Variants in RBFOX1 observed in about 807,000 individuals in gnomAD.
RBFOX1 encodes RNA binding fox-1 homolog 1, also known as RNA binding protein fox-1 homolog 1.
In RBFOX1, 8 loss-of-function variants were observed where a neutral mutation model predicts 57.7. The observed-to-expected ratio is 0.14, with a 90% confidence interval of 0.08 to 0.25. The LOEUF (loss-of-function observed/expected upper bound fraction) is 0.25, where lower values mean the gene tolerates loss of function less well. Ranked by LOEUF, RBFOX1 falls within the 10% of genes least tolerant of loss-of-function variation. The pLI is 1.00. For missense variants in RBFOX1, 611 were observed against 548.5 expected, an observed-to-expected ratio of 1.11 and a Z score of -1.14; for synonymous variants, 326 against 222.4, an observed-to-expected ratio of 1.47 and a Z score of -4.15.
chr16:5,615,183 TGCTCCCACATCTG>T (rs1410789940), intron 3 of RBFOX1, among the ~76,000 whole-genome samples: 2 of 152,186 alleles, frequency 1.3e-5, no homozygotes, highest in Non-Finnish European at 2.9e-5. Flanking sequence ...TACAGGTGCA[TGCTCCCACATCTG>T]GCTATCTTCA....
intron 5 of RBFOX1, among the ~76,000 whole-genome samples, chr16:7,547,561 T>G (rs2084940134): frequency 6.6e-6 from 1 of 152,222 alleles, no homozygotes. Flanking sequence ...CAAATAATCC[T>G]TTCCATATTT....
chr16:5,909,090 C>CTTTTT (rs3041577), intron 4 of RBFOX1, among the ~76,000 whole-genome samples: 25,923 of 114,804 alleles, frequency 0.23, 3,376 homozygotes, highest in East Asian at 0.4. Flanking sequence ...CTAAGCCCCC[C>CTTTTT]TTTTTTTTTT....
intron 3 of RBFOX1, among the ~76,000 whole-genome samples, chr16:5,791,558 C>T (rs138190748): frequency 5.3e-5 from 8 of 152,204 alleles, no homozygotes; most frequent in Admixed American, 3.9e-4. Context: ...ACACAAAAGT[C>T]TGTGTGGGTG....
intron 14 of RBFOX1, among the ~76,000 whole-genome samples, chr16:7,689,942 A>T (rs995117739): frequency 6.6e-6 from 1 of 152,054 alleles, no homozygotes; most frequent in Non-Finnish European, 1.5e-5. Context: ...GCATAGTCTA[A>T]AACCTAAGTA....
chr16:6,029,068 A>C (rs2095248698), intron 1 of RBFOX1, among the ~76,000 whole-genome samples: 1 of 152,126 alleles, frequency 6.6e-6, no homozygotes, highest in Admixed American at 6.5e-5. Flanking sequence ...AATCACACAG[A>C]CTTCCGAGCT....
At chr16:5,501,462 A>AGTG (rs986027783) in intron 2 of RBFOX1, among the ~76,000 whole-genome samples, 1 of 151,736 alleles carries the variant, frequency 6.6e-6, no homozygotes, top group African/African-American at 2.4e-5. Flanking sequence ...GTTGGTGAGG[A>AGTG]GTGGTGGGGA....
intron 4 of RBFOX1, among the ~76,000 whole-genome samples, chr16:7,226,718 G>A (rs981347053): frequency 1.3e-5 from 2 of 152,162 alleles, no homozygotes; most frequent in African/African-American, 2.4e-5. Context: ...TCAGAGATAC[G>A]TCTAAAGTCA....
chr16:5,860,889 T>C (rs867520709), intron 3 of RBFOX1, among the ~76,000 whole-genome samples: 80 of 152,304 alleles, frequency 5.3e-4, no homozygotes, highest in African/African-American at 1.9e-3. Flanking sequence ...TCTGGGCTTA[T>C]TTGTGCAGGT....
chr16:5,679,142 G>C (rs1175296650), intron 3 of RBFOX1, among the ~76,000 whole-genome samples: 1 of 152,168 alleles, frequency 6.6e-6, no homozygotes, highest in African/African-American at 2.4e-5. Context: ...GAGAAACCAG[G>C]CAGAGTACCC....
intron 1 of RBFOX1, among the ~76,000 whole-genome samples, chr16:5,391,349 T>C (rs1309432704): frequency 6.6e-6 from 1 of 152,136 alleles, no homozygotes; most frequent in African/African-American, 2.4e-5. Flanking sequence ...GAGAATCCAT[T>C]TCCTTCCATT....
chr16:6,307,047 C>G (rs1358545256), intron 1 of RBFOX1, among the ~76,000 whole-genome samples: 1 of 152,204 alleles, frequency 6.6e-6, no homozygotes, highest in Admixed American at 6.5e-5. Flanking sequence ...GCAGACTAAA[C>G]ATTACATCAG....
chr16:7,109,643 A>T (rs2064280088), intron 4 of RBFOX1, among the ~76,000 whole-genome samples: 1 of 152,168 alleles, frequency 6.6e-6, no homozygotes, highest in Non-Finnish European at 1.5e-5. Flanking sequence ...GAGTAGAGAC[A>T]TCCATATAGG....
At chr16:7,527,234 A>G (rs1201826768) in intron 5 of RBFOX1, among the ~76,000 whole-genome samples, 4 of 152,300 alleles carry the variant, frequency 2.6e-5, no homozygotes, top group African/African-American at 7.2e-5. Context: ...GAGCCTGAGC[A>G]CTATGCTTCT....
intron 3 of RBFOX1, among the ~76,000 whole-genome samples, chr16:6,895,438 G>A (rs370633384): frequency 0.17 from 14,574 of 87,672 alleles, 1,379 homozygotes; most frequent in Admixed American, 0.28. Flanking sequence ...GTGTGTGTGT[G>A]TGTGTGTGTG....
intron 2 of RBFOX1, chr16:6,483,759 T>A: frequency 2.8e-6 from 4 of 1,418,778 alleles, no homozygotes; most frequent in Middle Eastern, 2.6e-4. Flanking sequence ...GGAGCAGCCG[T>A]CAGCCGCTGT....
chr16:7,080,064 TATATAC>T lies in RBFOX1; in HGVS notation c.27+27972_27+27977del, dbSNP rs1276788956. On this transcript the variant is annotated intron_variant, in intron 4 of 15. Coordinates refer to ENST00000550418, the MANE Select transcript of RBFOX1 (RefSeq NM_018723.4). ...GATGTATATATATATACATATTATA[TATATAC>T]ATATATACATATGTATATATGTATA... Among the ~76,000 whole-genome samples the T allele has an allele frequency of 3.0e-3, 414 of 139,588 alleles. 2 individuals carry two copies. The highest frequency in any genetic ancestry group is 0.011 in the African/African-American group (398 of 35,828). 91.6% of individuals were successfully genotyped at this position (139,588 alleles called of 152,430 possible).
chr16:5,598,704 C>A (rs551653262), intron 2 of RBFOX1, among the ~76,000 whole-genome samples: 1 of 152,260 alleles, frequency 6.6e-6, no homozygotes, highest in Non-Finnish European at 1.5e-5. Context: ...GGCTTTGTAG[C>A]CATATCGGGC....
intron 1 of RBFOX1, among the ~76,000 whole-genome samples, chr16:6,161,756 G>A (rs1018560721): frequency 3.9e-5 from 6 of 152,154 alleles, no homozygotes; most frequent in African/African-American, 1.4e-4. Context: ...TGAGCTTCTG[G>A]TTTCTGTCTT....
chr16:7,118,292 A>G (rs926435475), intron 4 of RBFOX1, among the ~76,000 whole-genome samples: 6 of 152,120 alleles, frequency 3.9e-5, no homozygotes, highest in Admixed American at 2.0e-4. Context: ...CTGGCTGGGT[A>G]AGGTGGTAGC....
Sources: gnomAD v4.1 joint callset for allele counts (sites outside exome capture counted in the v4.1 genomes callset) on GRCh38, gnomAD v4.1.1 for gene constraint, MANE v1.5 for transcripts, NCBI Gene and HGNC (gene_info 2026-07-23, HGNC 2026-07-21) for gene names.